CNTLN: variants seen among roughly 807,000 people sequenced by gnomAD.
CNTLN encodes the protein centlein, centrosomal protein.
Under a neutral mutation model 180.0 loss-of-function variants are expected in CNTLN, and 212 were observed. That is an observed-to-expected ratio of 1.18 (90% CI 1.05 to 1.32). The LOEUF is 1.32. Ranked by LOEUF, CNTLN falls within the 40% of genes most tolerant of loss-of-function variation. CNTLN has a pLI of 0.00. For synonymous variants in CNTLN, 722 were observed against 563.1 expected (o/e 1.28, Z -3.99); for missense variants, 2,095 against 1,610.9 (o/e 1.30, Z -5.14).
chr9:17,502,571 A>T lies in CNTLN; in HGVS notation c.4140A>T (p.Leu1380Phe). ...TACAGCTTCCTTTTGCCTCATATTT[A>T]CTAGAAGCAGTACTGGAAAAAATAA... is the stretch of plus-strand genomic sequence containing the variant. ...LEGQLPFASYLLEAVLEKINE... is the reference protein window; with the variant it reads ...LEGQLPFASYFLEAVLEKINE... Residue 1380 changes from leucine (L) to phenylalanine (F), a missense_variant, in exon 26 of 26, where the codon TTA becomes TTT. By Grantham distance (22) the Leu-to-Phe change is conservative. Coordinates refer to ENST00000380647, the MANE Select transcript of CNTLN (RefSeq NM_017738.4). The T allele has an allele frequency of 7.1e-7, 1 of 1,403,458 alleles. No individual in the cohort carries two copies. Among genetic ancestry groups the T allele is most frequent in the Admixed American group, 2.4e-5 (1 of 42,070 alleles). The allele number at this position is 1,403,458 out of a possible 1,614,324, so 86.9% of individuals were successfully genotyped here.
intron 5 of CNTLN, among the ~76,000 whole-genome samples, chr9:17,265,192 C>G (rs1587402641): frequency 6.8e-6 from 1 of 146,482 alleles, no homozygotes; most frequent in Non-Finnish European, 1.5e-5. Flanking sequence ...ATAGATAGCT[C>G]TTATTATTTT....
intron 25 of CNTLN, among the ~76,000 whole-genome samples, chr9:17,494,550 G>T (rs1039801773): frequency 1.3e-5 from 2 of 151,970 alleles, no homozygotes; most frequent in South Asian, 4.2e-4. Flanking sequence ...AGGCCCCAGG[G>T]TCTGCTGTTC....
intron 16 of CNTLN, among the ~76,000 whole-genome samples, chr9:17,412,387 AT>A (rs1267971655): frequency 1.3e-5 from 2 of 152,198 alleles, no homozygotes; most frequent in African/African-American, 2.4e-5. Flanking sequence ...AACCTCAACT[AT>A]ATCAACAGAA....
In CNTLN at chr9:17,416,066, A is replaced by T; in HGVS notation, c.2991A>T (p.Val997=). 6.2e-7 allele frequency: 1 copy of T among 1,613,642 alleles called. No individual in the cohort carries two copies. Among genetic ancestry groups the T allele is most frequent in the Non-Finnish European group, 8.5e-7 (1 of 1,179,664 alleles). ...TATCCTTGCAACAACAAAACAGTGT[A>T]CTTCAGAATGCCAAGAAAACAGCAG... ...RIISLQQQNS[V]LQNAKKTAEL... Residue 997 remains valine, a synonymous_variant, in exon 18 of 26, where the codon GTA becomes GTT. Transcript: ENST00000380647.
the CNTLN span, among the ~76,000 whole-genome samples, chr9:17,515,128 C>T: frequency 6.6e-6 from 1 of 152,104 alleles, no homozygotes; most frequent in Non-Finnish European, 1.5e-5. Context: ...ATCCTATGGC[C>T]AGTTTTCAGC....
the CNTLN span, among the ~76,000 whole-genome samples, chr9:17,514,517 A>G: frequency 0.62 from 94,515 of 152,088 alleles, 35,075 homozygotes; most frequent in East Asian, 0.96. Context: ...ATGGTATGAA[A>G]CAAGGATAGG....
intron 19 of CNTLN, among the ~76,000 whole-genome samples, chr9:17,459,275 G>T (rs565062740): frequency 3.3e-4 from 50 of 151,966 alleles, no homozygotes; most frequent in Middle Eastern, 3.4e-3. Flanking sequence ...ATGAGTGTCT[G>T]TAAGTTCTTT....
intron 13 of CNTLN, among the ~76,000 whole-genome samples, chr9:17,375,070 A>G (rs1402172976): frequency 1.3e-5 from 2 of 152,212 alleles, no homozygotes; most frequent in African/African-American, 2.4e-5. Context: ...CATACACACA[A>G]TGGTGTACTA....
intron 12 of CNTLN, among the ~76,000 whole-genome samples, chr9:17,356,726 C>T (rs1251447477): frequency 1.3e-5 from 2 of 152,106 alleles, no homozygotes; most frequent in Non-Finnish European, 2.9e-5. Flanking sequence ...ACACATGGCT[C>T]CTGGCCTCAT....
rs10962946 is a variant in CNTLN at position 17,250,618 on chromosome 9, C to G, written c.849+14030C>G. 6.5e-3 allele frequency among the ~76,000 whole-genome samples: 995 copies of G among 152,100 alleles called. 11 individuals carry two copies. Among genetic ancestry groups the G allele is most frequent in the African/African-American group, 0.022 (917 of 41,554 alleles). On this transcript the variant is annotated intron_variant, in intron 5 of 25. Coordinates refer to ENST00000380647, the MANE Select transcript of CNTLN (RefSeq NM_017738.4). ...TTTTGATAGTATACAAAACTGTTCT[C>G]CTCTACAGCTTTGTCCATCCATTTT...
intron 25 of CNTLN, among the ~76,000 whole-genome samples, chr9:17,501,800 G>A (rs1263694243): frequency 6.6e-6 from 1 of 152,170 alleles, no homozygotes; most frequent in South Asian, 2.1e-4. Flanking sequence ...AAGGATAAGA[G>A]AAATTTCTAG....
At chr9:17,302,040 C>T (rs1818394819) in intron 7 of CNTLN, 1 of 984,880 alleles carries the variant, frequency 1.0e-6, no homozygotes, top group Non-Finnish European at 1.2e-6. Context: ...ATTTCTTTGT[C>T]AGTTCAGACT....
chr9:17,361,598 C>T (rs946106145), intron 12 of CNTLN, among the ~76,000 whole-genome samples: 18 of 152,148 alleles, frequency 1.2e-4, no homozygotes, highest in Non-Finnish European at 7.3e-5. Context: ...AGCTTTTTTC[C>T]ACTGTAGATT....
chr9:17,332,560 C>T (rs767720111), intron 9 of CNTLN, 45 bp from the exon 10 acceptor site: 1 of 1,539,930 alleles, frequency 6.5e-7, no homozygotes. Context: ...CTTTCATAAT[C>T]CAGTGTTCCA....
At chr9:17,372,960 T>A (rs1824451568) in intron 13 of CNTLN, among the ~76,000 whole-genome samples, 1 of 152,136 alleles carries the variant, frequency 6.6e-6, no homozygotes, top group South Asian at 2.1e-4. Flanking sequence ...AAAAACTGGT[T>A]TCATTGGAAC....
At chr9:17,359,749 A>AAAAAAAAAAAAAC (rs1231775323) in intron 12 of CNTLN, among the ~76,000 whole-genome samples, 1 of 138,232 alleles carries the variant, frequency 7.2e-6, no homozygotes, top group Non-Finnish European at 1.6e-5. Context: ...AAAAAAAAAA[A>AAAAAAAAAAAAAC]ACTAGCTGGG....
At chr9:17,312,811 C>T (rs1426608203) in intron 8 of CNTLN, among the ~76,000 whole-genome samples, 2 of 152,092 alleles carry the variant, frequency 1.3e-5, no homozygotes, top group Admixed American at 6.6e-5. Flanking sequence ...GGGCAGAGTG[C>T]TCCTTAAATA....
At chr9:17,323,411 T>A (rs929396513) in intron 8 of CNTLN, among the ~76,000 whole-genome samples, 6 of 152,196 alleles carry the variant, frequency 3.9e-5, no homozygotes, top group Admixed American at 3.9e-4. Flanking sequence ...GGCACTCTCA[T>A]TCAAATTCAA....
chr9:17,327,817 G>C (rs1016525526), intron 8 of CNTLN, among the ~76,000 whole-genome samples: 1 of 151,974 alleles, frequency 6.6e-6, no homozygotes, highest in Non-Finnish European at 1.5e-5. Context: ...GCTGGGCATG[G>C]TGGCAGATGC....
Sources: gnomAD v4.1 joint callset for allele counts (sites outside exome capture counted in the v4.1 genomes callset) on GRCh38, gnomAD v4.1.1 for gene constraint, MANE v1.5 for transcripts, NCBI Gene and HGNC (gene_info 2026-07-23, HGNC 2026-07-21) for gene names.